The following PMFBP1 variants were observed in gnomAD, a reference collection of about 807,000 sequenced individuals.
The protein encoded by PMFBP1 is polyamine-modulated factor 1-binding protein 1.
A neutral mutation model predicts 137.8 loss-of-function variants in PMFBP1; 131 were observed. The ratio of observed to expected loss-of-function variants is 0.95; its 90% CI spans 0.82 to 1.10. PMFBP1 has a LOEUF of 1.10. Among genes scored for constraint, PMFBP1 ranks in the 50% least tolerant of loss-of-function variants. The pLI, the probability that PMFBP1 is intolerant of heterozygous loss-of-function variation, is 0.00. For synonymous variants in PMFBP1, 490 were observed against 450.4 expected (o/e 1.09, Z -1.11); for missense variants, 1,199 against 1,175.4 (o/e 1.02, Z -0.29).
At chr16:72,245,684 G>A in the PMFBP1 span, among the ~76,000 whole-genome samples, 762 of 152,284 alleles carry the variant, frequency 5.0e-3, 13 homozygotes, top group African/African-American at 0.016. Flanking sequence ...CCAGCCTGCT[G>A]TCACAGGTGT....
chr16:72,226,625 GTCTC>G, the PMFBP1 span, among the ~76,000 whole-genome samples: 3 of 151,692 alleles, frequency 2.0e-5, no homozygotes, highest in African/African-American at 7.3e-5. Flanking sequence ...TAAGAATTTT[GTCTC>G]TCTCTTAGAA....
the PMFBP1 span, among the ~76,000 whole-genome samples, chr16:72,238,102 G>T: frequency 6.6e-5 from 10 of 152,174 alleles, no homozygotes; most frequent in African/African-American, 9.7e-5. Context: ...GTGCTGCAAT[G>T]AACATATGTG....
the PMFBP1 span, among the ~76,000 whole-genome samples, chr16:72,217,688 C>T: frequency 1.3e-5 from 2 of 152,114 alleles, no homozygotes; most frequent in African/African-American, 4.8e-5. Context: ...CCCATCTCTA[C>T]TAAAAATACA....
chr16:72,195,145 G>A, the PMFBP1 span, among the ~76,000 whole-genome samples: 1 of 152,144 alleles, frequency 6.6e-6, no homozygotes, highest in African/African-American at 2.4e-5. Context: ...ATGTCTCCAG[G>A]GCAGCTTCCG....
chr16:72,128,998 G>C, intron 13 of PMFBP1, 68 bp downstream of exon 13: 1 of 1,562,108 alleles, frequency 6.4e-7, no homozygotes, highest in Non-Finnish European at 8.6e-7. Flanking sequence ...CGCATCCCTG[G>C]AGGCCCAGGT....
At chr16:72,212,545 G>A in the PMFBP1 span, among the ~76,000 whole-genome samples, 4 of 150,836 alleles carry the variant, frequency 2.7e-5, no homozygotes, top group African/African-American at 7.3e-5. Context: ...AGCCTGAAAC[G>A]TTTACTCTCT....
chr16:72,182,122 T>C, the PMFBP1 span, among the ~76,000 whole-genome samples: 1 of 152,210 alleles, frequency 6.6e-6, no homozygotes, highest in South Asian at 2.1e-4. Context: ...CTTTGCTTTG[T>C]ATGAGCCCGT....
At chr16:72,164,948 A>G in intron 2 of PMFBP1, 32 bp from the exon 3 acceptor site, 30 of 1,552,426 alleles carry the variant, frequency 1.9e-5, no homozygotes, top group Non-Finnish European at 2.6e-5. Flanking sequence ...AGCATCAATT[A>G]TAAACTATCA....
Position 72,136,500 on chromosome 16 carries a change from T to C in PMFBP1, c.1151A>G (p.Glu384Gly). Residue 384 changes from glutamate (E) to glycine (G), a missense_variant, in exon 9 of 21, where the codon GAG (glutamate) becomes GGG (glycine). Coordinates refer to ENST00000237353, the MANE Select transcript of PMFBP1 (RefSeq NM_031293.3). The part of the protein sequence containing the change: ...DITILQCRLQ[E>G]LQLEFTETQK... ...GGTCTCGGTGAACTCCAGCTGCAGC[T>C]CCTGCAGCCGGCACTGCAGGATGGT... 6.2e-7 allele frequency: 1 copy of C among 1,613,738 alleles called. No individual in the cohort carries two copies. The highest frequency in any genetic ancestry group is 8.5e-7 in the Non-Finnish European group (1 of 1,179,902).
chr16:72,217,444 C>T, the PMFBP1 span, among the ~76,000 whole-genome samples: 1 of 152,258 alleles, frequency 6.6e-6, no homozygotes, highest in East Asian at 1.9e-4. Flanking sequence ...AATCAGTTAA[C>T]AGTTTTCAAA....
chr16:72,226,077 G>A, the PMFBP1 span, among the ~76,000 whole-genome samples: 1 of 151,896 alleles, frequency 6.6e-6, no homozygotes, highest in African/African-American at 2.4e-5. Context: ...ACTGAACATG[G>A]TCATCCCCAG....
the PMFBP1 span, among the ~76,000 whole-genome samples, chr16:72,187,568 G>A: frequency 1.3e-5 from 2 of 152,192 alleles, no homozygotes; most frequent in African/African-American, 4.8e-5. Context: ...CGTTTATATT[G>A]CAAAGCCTTT....
the PMFBP1 span, among the ~76,000 whole-genome samples, chr16:72,235,054 A>G: frequency 3.4e-4 from 51 of 152,178 alleles, no homozygotes; most frequent in African/African-American, 1.2e-3. Context: ...TTGATGTCCA[A>G]TTTGTCTATT....
chr16:72,196,584 G>A, the PMFBP1 span, among the ~76,000 whole-genome samples: 1 of 152,232 alleles, frequency 6.6e-6, no homozygotes. Flanking sequence ...CGGCACTCCT[G>A]TTGTGGAGCA....
chr16:72,151,889 G>A (rs2042907560), intron 4 of PMFBP1, among the ~76,000 whole-genome samples: 1 of 152,086 alleles, frequency 6.6e-6, no homozygotes. Flanking sequence ...CATTCAACCA[G>A]AGAGGCAAGA....
the PMFBP1 span, among the ~76,000 whole-genome samples, chr16:72,230,234 C>T: frequency 6.6e-6 from 1 of 152,074 alleles, no homozygotes; most frequent in African/African-American, 2.4e-5. Flanking sequence ...GATTGTCTTC[C>T]CTTTTCATAA....
At chr16:72,246,861 G>A in the PMFBP1 span, among the ~76,000 whole-genome samples, 1 of 152,106 alleles carries the variant, frequency 6.6e-6, no homozygotes, top group African/African-American at 2.4e-5. Flanking sequence ...GAGAGGGAGA[G>A]AGGGAAGGAA....
chr16:72,154,016 C>T (rs529281091), intron 4 of PMFBP1, among the ~76,000 whole-genome samples, 195 bp downstream of exon 4: 3 of 150,554 alleles, frequency 2.0e-5, no homozygotes, highest in East Asian at 1.9e-4. Flanking sequence ...CAGCTTTCAC[C>T]GAGTTATGCC....
At chr16:72,177,481 G>A (rs1450603759), upstream of PMFBP1, among the ~76,000 whole-genome samples, 2 of 152,172 alleles carry the variant, frequency 1.3e-5, no homozygotes, top group Middle Eastern at 3.2e-3. Flanking sequence ...AAAGGTAGAA[G>A]TGATCTATTC....
Sources: allele counts gnomAD v4.1 joint callset (sites outside exome capture counted in the v4.1 genomes callset), GRCh38; gene constraint gnomAD v4.1.1; transcripts MANE v1.5; gene names NCBI Gene and HGNC (gene_info 2026-07-23, HGNC 2026-07-21).